KCNJ14: variants seen among roughly 807,000 people sequenced by gnomAD.
KCNJ14 encodes the protein ATP-sensitive inward rectifier potassium channel 14.
KCNJ14 carries 18 observed loss-of-function variants against 24.5 expected under a neutral mutation model. The ratio of observed to expected loss-of-function variants is 0.74; its 90% CI spans 0.51 to 1.09. KCNJ14 has a LOEUF of 1.09. Among genes scored for constraint, KCNJ14 ranks in the 50% least tolerant of loss-of-function variants. The pLI is 0.00. For missense variants in KCNJ14, 633 were observed against 623.0 expected, an observed-to-expected ratio of 1.02 and a Z score of -0.17; for synonymous variants, 288 against 270.8, an observed-to-expected ratio of 1.06 and a Z score of -0.63.
chr19:48,456,835 CCTTT>C (rs1293286469), intron 1 of KCNJ14: 1 of 152,012 alleles, frequency 6.6e-6, no homozygotes, highest in Non-Finnish European at 1.5e-5. Flanking sequence ...TTCTTTTCTT[CCTTT>C]ATTTTTTATT....
At chr19:48,457,717 G>A (rs978754031) in intron 1 of KCNJ14, among the ~76,000 whole-genome samples, 6 of 151,224 alleles carry the variant, frequency 4.0e-5, no homozygotes, top group East Asian at 1.9e-4. Context: ...TTGCTTTGTC[G>A]CCCAAGCTCG....
Position 48,461,859 on chromosome 19 carries a change from G to C in KCNJ14, c.135G>C (p.Val45=). 6.4e-7 allele frequency: 1 copy of C among 1,563,490 alleles called. No homozygotes were observed. The highest frequency in any genetic ancestry group is 8.7e-7 in the Non-Finnish European group (1 of 1,154,324). The part of the protein sequence containing the change: ...GWAPAPVQSP[V]GRRRGRFVKK... ...CGCCGGCACCGGTGCAGTCACCCGT[G>C]GGCCGGCGCCGCGGTCGCTTCGTCA... The change falls in exon 2 of 3, where the codon GTG becomes GTC. Residue 45 remains valine, a synonymous_variant. Coordinates refer to ENST00000342291, the MANE Select transcript of KCNJ14 (RefSeq NM_013348.4).
rs1971642669 is a variant in KCNJ14 at position 48,465,066 on chromosome 19, C to G, written c.*289C>G. The stretch of plus-strand genomic sequence containing the variant: ...AGGAAAAGACTGGCAGTTCTAGATT[C>G]CTCTATATGGGGAGACCTGGATTGT... On this transcript the variant is annotated 3_prime_UTR_variant, in exon 3 of 3. Coordinates refer to ENST00000342291, the MANE Select transcript of KCNJ14 (RefSeq NM_013348.4). The G allele has an allele frequency of 2.4e-6, 1 of 418,882 alleles. No homozygotes were observed. The allele number at this position is 418,882 out of a possible 1,614,324, so 25.9% of individuals were successfully genotyped here. A position where few individuals can be genotyped will look rare whatever the true frequency, so the allele number is the denominator to read the frequency against.
At chr19:48,460,588 C>T (rs749899556) in intron 1 of KCNJ14, among the ~76,000 whole-genome samples, 1 of 152,176 alleles carries the variant, frequency 6.6e-6, no homozygotes, top group Non-Finnish European at 1.5e-5. Context: ...GTTTCCTCAT[C>T]TAGAAAATGG....
intron 1 of KCNJ14, 120 bp from the exon 2 acceptor site, chr19:48,461,550 A>AAAAAAAAAAAAAACG (rs370425889): frequency 2.9e-6 from 1 of 346,458 alleles, no homozygotes; most frequent in Non-Finnish European, 4.9e-6. Context: ...AAAAAAAAAA[A>AAAAAAAAAAAAAACG]TGCGTATCGT....
intron 2 of KCNJ14, among the ~76,000 whole-genome samples, chr19:48,463,202 C>A (rs1175977304): frequency 6.6e-6 from 1 of 152,136 alleles, no homozygotes; most frequent in African/African-American, 2.4e-5. Flanking sequence ...TCCCAAGAAA[C>A]TCTGGGCCGG....
At chr19:48,457,177 T>C (rs759337134) in intron 1 of KCNJ14, among the ~76,000 whole-genome samples, 7 of 152,070 alleles carry the variant, frequency 4.6e-5, no homozygotes, top group Non-Finnish European at 1.0e-4. Context: ...GGTCTCGCCA[T>C]GTTCCCTAAG....
In KCNJ14 at chr19:48,461,717, T is replaced by A; in HGVS notation, c.-8T>A. 5.0e-6 allele frequency: 7 copies of A among 1,399,266 alleles called. No individual in the cohort carries two copies. The highest frequency in any genetic ancestry group is 6.5e-6 in the Non-Finnish European group (7 of 1,083,346). The allele number at this position is 1,399,266 out of a possible 1,614,324, so 86.7% of individuals were successfully genotyped here. A position where few individuals can be genotyped will look rare whatever the true frequency, so the allele number is the denominator to read the frequency against. ...CACTAGGCCAAGTGGAGGGGGTCCC[T>A]CCGTCCAATGGGCCTGGCCAGGGCC... On this transcript the variant is annotated 5_prime_UTR_variant, in exon 2 of 3. Transcript: ENST00000342291.
Position 48,464,573 on chromosome 19 carries a change from G to C in KCNJ14, c.1107G>C (p.Arg369=). 6.2e-7 allele frequency: 1 copy of C among 1,614,130 alleles called. No homozygotes were observed. The part of the protein sequence containing the change: ...PVCSAKELDE[R]AEQASHSLKS... ...GCAGTGCTAAGGAGCTGGATGAACG[G>C]GCAGAGCAGGCTTCCCACAGCCTCA... Residue 369 remains arginine (R), a synonymous_variant, in exon 3 of 3, where the codon CGG becomes CGC. Transcript: ENST00000342291.
chr19:48,462,862 T>G lies in KCNJ14; in HGVS notation c.714+424T>G, dbSNP rs1448112058. Among the ~76,000 whole-genome samples, 1 of 152,106 alleles carries G rather than the reference T, an allele frequency of 6.6e-6. No homozygotes were observed. The highest frequency in any genetic ancestry group is 1.5e-5 in the Non-Finnish European group (1 of 67,994). On this transcript the variant is annotated intron_variant, in intron 2 of 2. Coordinates refer to ENST00000342291, the MANE Select transcript of KCNJ14 (RefSeq NM_013348.4). The surrounding 1 kb of genome is among the most constrained non-coding windows in gnomAD (Gnocchi z 4.9). ...ACCGTTCTATTACTCGGGTGTACAATTCCCACTGGACACTGTGGCACAGTC... is the reference window on the plus strand; with the variant it reads ...ACCGTTCTATTACTCGGGTGTACAAGTCCCACTGGACACTGTGGCACAGTC...
intron 1 of KCNJ14, chr19:48,461,358 A>C: frequency 2.0e-5 from 1 of 49,828 alleles, no homozygotes. Flanking sequence ...AAAGAAAAGA[A>C]AAAAGTTAAA....
intron 1 of KCNJ14, among the ~76,000 whole-genome samples, chr19:48,459,112 G>T (rs923573407): frequency 1.3e-5 from 2 of 150,082 alleles, no homozygotes; most frequent in Non-Finnish European, 3.0e-5. Flanking sequence ...CGTAGTGGCA[G>T]GCGCCTGTAG....
chr19:48,463,438 T>G (rs1187841829), intron 2 of KCNJ14, among the ~76,000 whole-genome samples: 1 of 152,194 alleles, frequency 6.6e-6, no homozygotes, highest in Non-Finnish European at 1.5e-5. Context: ...ACACTGGCTC[T>G]TGCAGAAGTC....
chr19:48,463,479 C>T (rs544138525), intron 2 of KCNJ14, among the ~76,000 whole-genome samples: 1 of 152,236 alleles, frequency 6.6e-6, no homozygotes, highest in East Asian at 1.9e-4. Flanking sequence ...TGGGAGGTGG[C>T]TATGGAACCA....
intron 1 of KCNJ14, chr19:48,456,585 C>G (rs1032917829): frequency 6.6e-6 from 1 of 152,252 alleles, no homozygotes; most frequent in South Asian, 2.1e-4. Context: ...TCATGGTCTT[C>G]TTTCCAAATG....
rs1210991961 is a variant in KCNJ14 at position 48,465,273 on chromosome 19, G to C, written c.*496G>C. 6.4e-6 allele frequency: 1 copy of C among 155,794 alleles called. No individual in the cohort carries two copies. The highest frequency in any genetic ancestry group is 1.9e-4 in the East Asian group (1 of 5,290). 9.7% of individuals were successfully genotyped at this position (155,794 alleles called of 1,614,324 possible). A position where few individuals can be genotyped will look rare whatever the true frequency, so the allele number is the denominator to read the frequency against. ...TGTTCTAGACCACCTAAGGAGGGAAGGTTATGGAATGCCCCAAGTATTCAA... is the reference window on the plus strand; with the variant it reads ...TGTTCTAGACCACCTAAGGAGGGAACGTTATGGAATGCCCCAAGTATTCAA... On this transcript the variant is annotated 3_prime_UTR_variant, in exon 3 of 3. Coordinates refer to ENST00000342291, the MANE Select transcript of KCNJ14 (RefSeq NM_013348.4).
At chr19:48,459,206 C>G (rs1971568535) in intron 1 of KCNJ14, among the ~76,000 whole-genome samples, 2 of 147,328 alleles carry the variant, frequency 1.4e-5, no homozygotes, top group Non-Finnish European at 3.0e-5. Context: ...CGCCACTGCA[C>G]TCCAGCCTGG....
In KCNJ14 at chr19:48,464,463, C is replaced by A. The variant is rs200201274; in HGVS notation, c.997C>A (p.Pro333Thr). Residue 333 changes from proline to threonine, a missense_variant, in exon 3 of 3, where the codon CCA becomes ACA. Physicochemically the swap from Pro to Thr is conservative, Grantham distance 38. Coordinates refer to ENST00000342291, the MANE Select transcript of KCNJ14 (RefSeq NM_013348.4). ...ACTGCTCTGGGGCCATCGTTTTGAGCCAGTTCTCTTCCAGCGTGGCTCCCA... is the reference window on the plus strand; with the variant it reads ...ACTGCTCTGGGGCCATCGTTTTGAGACAGTTCTCTTCCAGCGTGGCTCCCA... ...GELLWGHRFE[P>T]VLFQRGSQYE... 1 of 1,613,796 alleles carries A rather than the reference C, an allele frequency of 6.2e-7. No homozygotes were observed. The highest frequency in any genetic ancestry group is 1.3e-5 in the African/African-American group (1 of 74,884).
Position 48,464,854 on chromosome 19 carries a change from G to T in KCNJ14, c.*77G>T. Reference sequence around the variant, plus strand: ...GATGGAGGGATGGGGCTCTCTCCTGGGATGGGGGCAGGTGTTCCTGAATAC... The same window carrying T: ...GATGGAGGGATGGGGCTCTCTCCTGTGATGGGGGCAGGTGTTCCTGAATAC... On this transcript the variant is annotated 3_prime_UTR_variant, in exon 3 of 3. Coordinates refer to ENST00000342291, the MANE Select transcript of KCNJ14 (RefSeq NM_013348.4). 9.2e-7 allele frequency: 1 copy of T among 1,089,952 alleles called. No homozygotes were observed. Among genetic ancestry groups the T allele is most frequent in the Non-Finnish European group, 1.4e-6 (1 of 737,348 alleles). The allele number at this position is 1,089,952 out of a possible 1,614,324, so 67.5% of individuals were successfully genotyped here. A position where few individuals can be genotyped will look rare whatever the true frequency, so the allele number is the denominator to read the frequency against.
Sources: allele counts gnomAD v4.1 joint callset (sites outside exome capture counted in the v4.1 genomes callset), GRCh38; gene constraint gnomAD v4.1.1; non-coding constraint Gnocchi (gnomAD v3.1); transcripts MANE v1.5; gene names NCBI Gene and HGNC (gene_info 2026-07-23, HGNC 2026-07-21).